The following SORCS1 variants were observed in gnomAD, a reference collection of about 807,000 sequenced individuals.
SORCS1 encodes the protein VPS10 domain-containing receptor SorCS1.
Under a neutral mutation model 146.1 loss-of-function variants are expected in SORCS1, and 60 were observed. The ratio of observed to expected loss-of-function variants is 0.41; its 90% CI spans 0.33 to 0.51. The LOEUF is 0.51. SORCS1 is among the 20% of genes least tolerant of loss of function. The pLI, the probability that SORCS1 is intolerant of heterozygous loss-of-function variation, is 0.21. For synonymous variants in SORCS1, 637 were observed against 584.0 expected (o/e 1.09, Z -1.31); for missense variants, 1,352 against 1,487.6 (o/e 0.91, Z 1.50).
intron 3 of SORCS1, among the ~76,000 whole-genome samples, chr10:106,820,304 T>G (rs1947954609): frequency 6.6e-6 from 1 of 152,192 alleles, no homozygotes; most frequent in East Asian, 1.9e-4. Context: ...TATGAGCATC[T>G]AAGCCTACCT....
At chr10:106,708,415 A>T (rs1589708606) in intron 7 of SORCS1, among the ~76,000 whole-genome samples, 1 of 151,896 alleles carries the variant, frequency 6.6e-6, no homozygotes, top group African/African-American at 2.4e-5. Flanking sequence ...ATGGGTCTTT[A>T]TATATATATA....
intron 17 of SORCS1, among the ~76,000 whole-genome samples, chr10:106,662,629 C>T (rs1434563527): frequency 6.6e-6 from 1 of 152,182 alleles, no homozygotes; most frequent in Non-Finnish European, 1.5e-5. Flanking sequence ...TGGCACTGGA[C>T]ACAGGGTTCC....
intron 17 of SORCS1, chr10:106,667,402 G>A (rs1330552467): frequency 6.2e-6 from 2 of 325,144 alleles, no homozygotes; most frequent in East Asian, 1.0e-4. Flanking sequence ...GGATTAAATA[G>A]CTTGAAAACA....
chr10:106,760,305 G>A (rs1452528190), intron 5 of SORCS1, among the ~76,000 whole-genome samples: 3 of 151,828 alleles, frequency 2.0e-5, no homozygotes, highest in African/African-American at 4.8e-5. Context: ...TTAGCCAGGC[G>A]TGATGGTGGG....
At chr10:106,707,865 ACAG>A (rs1854645711) in intron 7 of SORCS1, among the ~76,000 whole-genome samples, 1 of 152,206 alleles carries the variant, frequency 6.6e-6, no homozygotes, top group African/African-American at 2.4e-5. Context: ...AGTTTCAATG[ACAG>A]CTGGAGTCTG....
chr10:106,991,997 T>C (rs538805394), intron 1 of SORCS1, among the ~76,000 whole-genome samples: 3 of 152,346 alleles, frequency 2.0e-5, no homozygotes, highest in South Asian at 4.1e-4. Context: ...AAATATTTTA[T>C]GCAATTAAAC....
chr10:106,798,425 C>T (rs2484973), intron 3 of SORCS1, among the ~76,000 whole-genome samples: 51,034 of 150,388 alleles, frequency 0.34, 8,973 homozygotes, highest in Non-Finnish European at 0.38. Context: ...CCTCCTAATG[C>T]TATCCTTCCT....
chr10:106,593,909 C>G (rs1845757662), intron 24 of SORCS1, among the ~76,000 whole-genome samples: 1 of 152,210 alleles, frequency 6.6e-6, no homozygotes, highest in African/African-American at 2.4e-5. Flanking sequence ...TCCCAGGAGT[C>G]TTAGTCCTGC....
intron 21 of SORCS1, among the ~76,000 whole-genome samples, chr10:106,616,651 T>C (rs570755975): frequency 7.2e-5 from 11 of 152,250 alleles, no homozygotes; most frequent in African/African-American, 2.6e-4. Flanking sequence ...TTATTTCTTA[T>C]TATCTGGGCT....
Position 107,164,469 on chromosome 10 carries a change from C to T in SORCS1, c.58G>A (p.Gly20Ser). 9 of 1,361,856 alleles carry T rather than the reference C, an allele frequency of 6.6e-6. No homozygotes were observed. The highest frequency in any genetic ancestry group is 8.5e-6 in the Non-Finnish European group (9 of 1,064,886). The allele number at this position is 1,361,856 out of a possible 1,614,324, so 84.4% of individuals were successfully genotyped here. Reference sequence around the variant, plus strand: ...GCGCAGAGGATCAAGAGCCCCGCGCCGGCGAGGAGCGCGCTCAGCCGGGCT... The same window carrying T: ...GCGCAGAGGATCAAGAGCCCCGCGCTGGCGAGGAGCGCGCTCAGCCGGGCT... ...SQARLSALLA[G>S]AGLLILCAPG... The change falls in exon 1 of 26, where the codon GGC (glycine) becomes AGC (serine). Residue 20 changes from glycine to serine, a missense_variant. Gly to Ser is a moderately conservative substitution (Grantham distance 56). Around this residue, in one of 3 missense-constraint regions of SORCS1, gnomAD observed 490 missense variants for 489.1 expected, o/e 1.00. Transcript: ENST00000263054. This position sits in a 1 kb window ranked among gnomAD's most constrained non-coding sequence, Gnocchi z 6.8.
At chr10:106,759,254 G>T (rs1367383826) in intron 5 of SORCS1, among the ~76,000 whole-genome samples, 1 of 152,170 alleles carries the variant, frequency 6.6e-6, no homozygotes, top group Non-Finnish European at 1.5e-5. Flanking sequence ...ATTTCAGGAG[G>T]AATCAAGAGG....
intron 1 of SORCS1, among the ~76,000 whole-genome samples, chr10:107,064,682 G>GCAA (rs1265024277): frequency 4.6e-5 from 7 of 152,202 alleles, no homozygotes; most frequent in Admixed American, 4.6e-4. Context: ...CTTGCAGACA[G>GCAA]CAACCTGTTT....
At chr10:106,635,923 G>T (rs1848698783) in intron 18 of SORCS1, among the ~76,000 whole-genome samples, 1 of 152,162 alleles carries the variant, frequency 6.6e-6, no homozygotes, top group Non-Finnish European at 1.5e-5. Flanking sequence ...AATAAAAGTA[G>T]CTCACCATTA....
At chr10:106,867,635 G>A (rs1278664204) in intron 2 of SORCS1, among the ~76,000 whole-genome samples, 1 of 152,158 alleles carries the variant, frequency 6.6e-6, no homozygotes, top group Admixed American at 6.5e-5. Context: ...TTTCATATCT[G>A]GCCCAACTAA....
chr10:107,059,353 T>C (rs1044518052), intron 1 of SORCS1, among the ~76,000 whole-genome samples: 13 of 152,218 alleles, frequency 8.5e-5, no homozygotes, highest in African/African-American at 3.1e-4. Flanking sequence ...GATATGGCTA[T>C]AGTTTCCTAC....
At chr10:107,102,183 T>C (rs550560877) in intron 1 of SORCS1, among the ~76,000 whole-genome samples, 6 of 152,340 alleles carry the variant, frequency 3.9e-5, no homozygotes, top group South Asian at 2.1e-4. Flanking sequence ...ATAATAGTCA[T>C]TGCATTTTAA....
At chr10:106,975,927 C>A (rs532135475) in intron 1 of SORCS1, among the ~76,000 whole-genome samples, 1 of 152,220 alleles carries the variant, frequency 6.6e-6, no homozygotes, top group East Asian at 1.9e-4. Flanking sequence ...GTGGGTGGAT[C>A]ACCTGAGGTC....
rs190033152 is a variant in SORCS1, at chr10:106,962,501, T to A, written c.559-5921A>T. On this transcript the variant is annotated intron_variant, in intron 1 of 25. Coordinates refer to ENST00000263054, the MANE Select transcript of SORCS1 (RefSeq NM_052918.5). ...ATTTGCATTCTTGTTTTCCTCTATG[T>A]CCAACTGTGGAAGCAGTATCAAATC... Among the ~76,000 whole-genome samples the A allele has an allele frequency of 2.6e-5, 4 of 152,138 alleles. No homozygotes were observed. The East Asian group carries it at 7.7e-4, about 29-fold the overall frequency.
intron 16 of SORCS1, among the ~76,000 whole-genome samples, chr10:106,669,311 A>C (rs1417965909): frequency 1.3e-5 from 2 of 152,190 alleles, no homozygotes; most frequent in Non-Finnish European, 2.9e-5. Flanking sequence ...ATTCCCAGAG[A>C]AGCAAATGTT....
Sources: allele counts gnomAD v4.1 joint callset (sites outside exome capture counted in the v4.1 genomes callset), GRCh38; gene constraint gnomAD v4.1.1; regional missense constraint gnomAD v4.1.1; non-coding constraint Gnocchi (gnomAD v3.1); transcripts MANE v1.5; gene names NCBI Gene and HGNC (gene_info 2026-07-23, HGNC 2026-07-21).